The following SCAPER variants were observed in gnomAD, a reference collection of about 807,000 sequenced individuals.
The protein encoded by SCAPER is S phase cyclin A-associated protein in the endoplasmic reticulum.
A neutral mutation model predicts 182.2 loss-of-function variants in SCAPER; 98 were observed. The ratio of observed to expected loss-of-function variants is 0.54; its 90% CI spans 0.46 to 0.64. The LOEUF is 0.64. Among genes scored for constraint, SCAPER ranks in the 30% least tolerant of loss-of-function variants. SCAPER has a pLI of 0.00. For synonymous variants in SCAPER, 605 were observed against 564.6 expected, an observed-to-expected ratio of 1.07 and a Z score of -1.01; for missense variants, 1,432 against 1,690.0, an observed-to-expected ratio of 0.85 and a Z score of 2.68.
At chr15:76,521,688 G>A (rs2042849592) in intron 23 of SCAPER, among the ~76,000 whole-genome samples, 1 of 152,096 alleles carries the variant, frequency 6.6e-6, no homozygotes, top group Non-Finnish European at 1.5e-5. Flanking sequence ...TTGAAATACT[G>A]ACTTCTACAT....
chr15:76,659,614 A>C (rs1188981900), intron 21 of SCAPER, among the ~76,000 whole-genome samples: 1 of 152,254 alleles, frequency 6.6e-6, no homozygotes, highest in Non-Finnish European at 1.5e-5. Context: ...GTCAACAAGC[A>C]TATGAAAGAA....
At chr15:76,793,535 A>G (rs542728831) in intron 8 of SCAPER, 2 of 379,568 alleles carry the variant, frequency 5.3e-6, no homozygotes, top group South Asian at 1.6e-4. Flanking sequence ...AAGTTTCTAT[A>G]AAAACCTTTT....
intron 2 of SCAPER, among the ~76,000 whole-genome samples, chr15:76,876,030 A>G (rs909955109): frequency 4.6e-5 from 7 of 152,164 alleles, no homozygotes; most frequent in Non-Finnish European, 8.8e-5. Context: ...GTCGGCCGGC[A>G]CTGCTGGGGG....
Position 76,698,712 on chromosome 15 carries a change from T to C in SCAPER, c.2508+3046A>G, listed in dbSNP as rs148038386. ...CTTGAGGAGCAAAATTCTTCCAAGT[T>C]AAAAAATCACAAAAAAAGTGAGCTC... On this transcript the variant is annotated intron_variant, in intron 20 of 31. Coordinates refer to ENST00000563290, the MANE Select transcript of SCAPER (RefSeq NM_020843.4). Among the ~76,000 whole-genome samples, 1,362 of 152,306 alleles carry C rather than the reference T, an allele frequency of 8.9e-3. 21 individuals carry two copies. The highest frequency in any genetic ancestry group is 0.032 in the African/African-American group (1,326 of 41,548).
intron 22 of SCAPER, among the ~76,000 whole-genome samples, chr15:76,608,103 G>C (rs560507309): frequency 2.0e-4 from 31 of 152,256 alleles, no homozygotes; most frequent in African/African-American, 7.5e-4. Context: ...CTGATTTTTA[G>C]AGTTTCCAGT....
At chr15:76,561,504 T>C (rs1385449580) in intron 23 of SCAPER, among the ~76,000 whole-genome samples, 1 of 152,138 alleles carries the variant, frequency 6.6e-6, no homozygotes, top group Non-Finnish European at 1.5e-5. Context: ...AATGTTTTTG[T>C]TCCCTGAAAT....
intron 22 of SCAPER, among the ~76,000 whole-genome samples, chr15:76,602,473 C>T (rs2049997706): frequency 8.3e-6 from 1 of 120,952 alleles, no homozygotes; most frequent in Non-Finnish European, 2.0e-5. Context: ...CAGGATTTTT[C>T]ATTTCTCTTT....
At chr15:76,441,219 C>T (rs1269437168) in intron 25 of SCAPER, among the ~76,000 whole-genome samples, 1 of 152,092 alleles carries the variant, frequency 6.6e-6, no homozygotes, top group Non-Finnish European at 1.5e-5. Context: ...CCGTGCCCAG[C>T]CTATTCTCCT....
At chr15:76,770,398 T>C (rs1332190673) in intron 10 of SCAPER, among the ~76,000 whole-genome samples, 2 of 152,094 alleles carry the variant, frequency 1.3e-5, no homozygotes, top group Admixed American at 6.6e-5. Flanking sequence ...GTCTCATCAC[T>C]ACAGGAATTC....
intron 17 of SCAPER, among the ~76,000 whole-genome samples, chr15:76,706,642 C>A (rs1228247770): frequency 6.6e-6 from 1 of 152,070 alleles, no homozygotes; most frequent in Non-Finnish European, 1.5e-5. Flanking sequence ...GACCTGCATT[C>A]AGGACAGAAG....
chr15:76,574,606 A>T (rs755100160), intron 22 of SCAPER, among the ~76,000 whole-genome samples: 15 of 152,216 alleles, frequency 9.9e-5, no homozygotes, highest in Non-Finnish European at 2.1e-4. Flanking sequence ...AGGCCAGAGG[A>T]TGAGAGCAGA....
At chr15:76,446,952 A>G (rs538362352) in intron 25 of SCAPER, among the ~76,000 whole-genome samples, 1 of 152,306 alleles carries the variant, frequency 6.6e-6, no homozygotes, top group South Asian at 2.1e-4. Flanking sequence ...GAGACGTTCA[A>G]CACTTCATTG....
intron 1 of SCAPER, among the ~76,000 whole-genome samples, chr15:76,886,500 T>A (rs904335285): frequency 6.6e-6 from 1 of 151,928 alleles, no homozygotes; most frequent in African/African-American, 2.4e-5. Flanking sequence ...AAATAAAAAT[T>A]TAAAAAAACA....
chr15:76,666,319 A>C (rs941311133), intron 20 of SCAPER, among the ~76,000 whole-genome samples: 1 of 152,226 alleles, frequency 6.6e-6, no homozygotes, highest in African/African-American at 2.4e-5. Flanking sequence ...AGGTCATCTC[A>C]GAAAACACAT....
At chr15:76,497,759 G>A (rs989218531) in intron 24 of SCAPER, among the ~76,000 whole-genome samples, 4 of 151,880 alleles carry the variant, frequency 2.6e-5, no homozygotes, top group South Asian at 2.1e-4. Context: ...TTGGGAGGCC[G>A]AGGTGGGTGG....
At chr15:76,801,990 C>T (rs1201583087) in intron 6 of SCAPER, among the ~76,000 whole-genome samples, 1 of 151,778 alleles carries the variant, frequency 6.6e-6, no homozygotes, top group East Asian at 1.9e-4. Flanking sequence ...CTCTGTTAAG[C>T]TTGGGTTTGG....
chr15:76,705,962 C>T lies in SCAPER; in HGVS notation c.2188G>A (p.Ala730Thr), dbSNP rs1259471758. The change falls in exon 18 of 32, where the codon GCA (alanine) becomes ACA (threonine). Residue 730 changes from alanine to threonine, a missense_variant. Ala to Thr is a moderately conservative substitution (Grantham distance 58). Coordinates refer to ENST00000563290, the MANE Select transcript of SCAPER (RefSeq NM_020843.4). ...GCTTCTTGTTGAGCAGCTGTGAGTG[C>T]TGCCAATCGTTCTTCCCTGTCTCTG... The part of the protein sequence containing the change: ...RARDREERLA[A>T]LTAAQQEAME... The T allele has an allele frequency of 1.3e-6, 2 of 1,560,798 alleles. No individual in the cohort carries two copies. The highest frequency in any genetic ancestry group is 1.9e-5 in the Admixed American group (1 of 53,566).
chr15:76,485,450 C>A (rs1471460336), intron 24 of SCAPER, among the ~76,000 whole-genome samples: 1 of 152,118 alleles, frequency 6.6e-6, no homozygotes, highest in Non-Finnish European at 1.5e-5. Context: ...GTTAAAATGG[C>A]CATATTGCCC....
chr15:76,888,580 T>C (rs1017369938), intron 1 of SCAPER, among the ~76,000 whole-genome samples: 3 of 152,054 alleles, frequency 2.0e-5, no homozygotes, highest in South Asian at 4.1e-4. Context: ...ATATCAGTGA[T>C]TGAAGATCAA....
Sources: allele counts gnomAD v4.1 joint callset (sites outside exome capture counted in the v4.1 genomes callset), GRCh38; gene constraint gnomAD v4.1.1; transcripts MANE v1.5; gene names NCBI Gene and HGNC (gene_info 2026-07-23, HGNC 2026-07-21).